The following RBMXL1 variants were observed in gnomAD, a reference collection of about 807,000 sequenced individuals.
RBMXL1 encodes RNA binding motif protein, X-linked-like-1.
Under a neutral mutation model 29.0 loss-of-function variants are expected in RBMXL1, and 18 were observed. The observed-to-expected ratio is 0.62, with a 90% CI of 0.43 to 0.92. RBMXL1 has a LOEUF of 0.92. RBMXL1 is among the 40% of genes least tolerant of loss of function. The pLI, the probability that RBMXL1 is intolerant of heterozygous loss-of-function variation, is 0.00. For synonymous variants in RBMXL1, 141 were observed against 170.4 expected, an observed-to-expected ratio of 0.83 and a Z score of 1.34; for missense variants, 403 against 495.8, an observed-to-expected ratio of 0.81 and a Z score of 1.78.
chr1:88,990,152 T>C (rs1677699832), intron 1 of RBMXL1, among the ~76,000 whole-genome samples: 1 of 152,186 alleles, frequency 6.6e-6, no homozygotes, highest in Non-Finnish European at 1.5e-5. Context: ...ATTACCCTCC[T>C]TTAAAAGGAT....
chr1:88,989,384 T>G (rs75708846), intron 1 of RBMXL1, among the ~76,000 whole-genome samples: 1 of 152,236 alleles, frequency 6.6e-6, no homozygotes, highest in African/African-American at 2.4e-5. Context: ...AAAAAAAGTT[T>G]CTATCTGTAG....
At position 88,984,042 on chromosome 1, in the gene RBMXL1, G is replaced by A. The variant is rs1203794265; in HGVS notation, c.-216C>T. ...AAATTACTTTCTTTTGCCACTAGAT[G>A]GCAGAGGAAAACAACAGAATGTTCC... On this transcript the variant is annotated 5_prime_UTR_variant, in exon 3 of 3. Coordinates refer to ENST00000652648, the MANE Select transcript of RBMXL1 (RefSeq NM_001162536.3). The A allele has an allele frequency of 5.4e-5, 25 of 466,808 alleles. No individual in the cohort carries two copies. Among genetic ancestry groups the A allele is most frequent in the Non-Finnish European group, 8.2e-5 (20 of 244,030 alleles). 28.9% of individuals were successfully genotyped at this position (466,808 alleles called of 1,614,324 possible).
At position 88,982,648 on chromosome 1, in the gene RBMXL1, T is replaced by C. The variant is rs747384060; in HGVS notation, c.*6A>G. ...CTGGGATTTTGGTCCAAAGTTTTGTTTGTTTCTAGTATCTGCTTCTGCCTC... is the reference window on the plus strand; with the variant it reads ...CTGGGATTTTGGTCCAAAGTTTTGTCTGTTTCTAGTATCTGCTTCTGCCTC... On this transcript the variant is annotated 3_prime_UTR_variant, in exon 3 of 3. Coordinates refer to ENST00000652648, the MANE Select transcript of RBMXL1 (RefSeq NM_001162536.3). 1.3e-6 allele frequency: 2 copies of C among 1,580,562 alleles called. No homozygotes were observed. Among genetic ancestry groups the C allele is most frequent in the East Asian group, 4.5e-5 (2 of 44,552 alleles).
chr1:88,986,059 T>C (rs556688236), intron 2 of RBMXL1, among the ~76,000 whole-genome samples: 1 of 151,906 alleles, frequency 6.6e-6, no homozygotes, highest in South Asian at 2.1e-4. Context: ...CGGGCACCTA[T>C]AGTCCCAGCT....
intron 2 of RBMXL1, among the ~76,000 whole-genome samples, chr1:88,986,192 A>AAGAG (rs372559399): frequency 4.0e-5 from 6 of 150,106 alleles, no homozygotes; most frequent in African/African-American, 1.2e-4. Flanking sequence ...AAAAAAAAAA[A>AAGAG]AGAGAGAGAG....
intron 1 of RBMXL1, among the ~76,000 whole-genome samples, chr1:88,992,190 G>C (rs1233485475): frequency 2.0e-5 from 3 of 152,160 alleles, no homozygotes; most frequent in Non-Finnish European, 4.4e-5. Context: ...GTGTTAGCCA[G>C]GATGGTCTCG....
chr1:88,987,769 C>T (rs952096441), intron 2 of RBMXL1, among the ~76,000 whole-genome samples: 3 of 152,156 alleles, frequency 2.0e-5, no homozygotes, highest in Non-Finnish European at 2.9e-5. Context: ...CATTACCACA[C>T]CTCACCAACA....
At chr1:88,987,819 T>C (rs901587793) in intron 2 of RBMXL1, among the ~76,000 whole-genome samples, 1 of 152,246 alleles carries the variant, frequency 6.6e-6, no homozygotes, top group Non-Finnish European at 1.5e-5. Context: ...TCCACATTCG[T>C]ATCTCTCTGA....
In RBMXL1 at chr1:88,982,379, C is replaced by T. The variant is rs1476866179; in HGVS notation, c.*275G>A. ...AGATAGGAAGTGGTCTTTAGGGACA[C>T]CTTTACTTGGAAAGTTACAACACTA... On this transcript the variant is annotated 3_prime_UTR_variant, in exon 3 of 3. Coordinates refer to ENST00000652648, the MANE Select transcript of RBMXL1 (RefSeq NM_001162536.3). 3.8e-6 allele frequency: 3 copies of T among 789,102 alleles called. No homozygotes were observed. The highest frequency in any genetic ancestry group is 5.2e-6 in the Non-Finnish European group (3 of 573,102). 48.9% of individuals were successfully genotyped at this position (789,102 alleles called of 1,614,324 possible).
At position 88,982,877 on chromosome 1, in the gene RBMXL1, C is replaced by T. The variant is rs764148399; in HGVS notation, c.950G>A (p.Arg317His). 3 of 1,613,994 alleles carry T rather than the reference C, an allele frequency of 1.9e-6. No homozygotes were observed. The South Asian group carries it at 3.3e-5, about 18-fold the overall frequency. The change falls in exon 3 of 3, where the codon CGT becomes CAT. Residue 317 changes from arginine (R) to histidine (H), a missense_variant. Transcript: ENST00000652648. ...GTCTCGACTTCCACCATATCCATCA[C>T]GTGAGCTGCTATAATCATCATAGCG... The part of the protein sequence containing the change: ...SSRYDDYSSS[R>H]DGYGGSRDSY...
chr1:88,986,514 ACTCCTGGT>A (rs1557709454), intron 2 of RBMXL1, among the ~76,000 whole-genome samples: 1 of 125,898 alleles, frequency 7.9e-6, no homozygotes, highest in Non-Finnish European at 1.6e-5. Context: ...CTGGTCTTGA[ACTCCTGGT>A]CTCAAGCGAT....
chr1:88,980,569 C>G lies in RBMXL1; in HGVS notation c.*2085G>C, dbSNP rs1020979855. ...CATTTTCTAATATCATTCTGTTTTACAACCAGTATAAACCCAGAAGAATCA... is the reference window on the plus strand; with the variant it reads ...CATTTTCTAATATCATTCTGTTTTAGAACCAGTATAAACCCAGAAGAATCA... On this transcript the variant is annotated 3_prime_UTR_variant, in exon 3 of 3. Coordinates refer to ENST00000652648, the MANE Select transcript of RBMXL1 (RefSeq NM_001162536.3). The G allele has an allele frequency of 6.6e-6, 1 of 152,552 alleles. No individual in the cohort carries two copies. Among genetic ancestry groups the G allele is most frequent in the African/African-American group, 2.4e-5 (1 of 41,414 alleles). The allele number at this position is 152,552 out of a possible 1,614,324, so 9.4% of individuals were successfully genotyped here.
intron 1 of RBMXL1, among the ~76,000 whole-genome samples, chr1:88,990,894 G>A (rs1239526968): frequency 6.6e-6 from 1 of 152,074 alleles, no homozygotes; most frequent in African/African-American, 2.4e-5. Flanking sequence ...ATTAAATTTA[G>A]ATGTCATCGA....
At chr1:88,986,881 A>T (rs978884074) in intron 2 of RBMXL1, among the ~76,000 whole-genome samples, 8 of 152,190 alleles carry the variant, frequency 5.3e-5, no homozygotes, top group Non-Finnish European at 1.2e-4. Context: ...AAGAATATTT[A>T]TCTTTATCCC....
At chr1:88,988,516 C>T (rs1214990858) in intron 1 of RBMXL1, among the ~76,000 whole-genome samples, 165 bp from the exon 2 acceptor site, 1 of 152,158 alleles carries the variant, frequency 6.6e-6, no homozygotes, top group Non-Finnish European at 1.5e-5. Context: ...ATGATATAAT[C>T]TCTCATCACT....
At chr1:88,989,541 T>G (rs1047098898) in intron 1 of RBMXL1, among the ~76,000 whole-genome samples, 2 of 152,168 alleles carry the variant, frequency 1.3e-5, no homozygotes, top group African/African-American at 4.8e-5. Flanking sequence ...ATGGCGCAGC[T>G]GTCCCAAAAG....
intron 2 of RBMXL1, among the ~76,000 whole-genome samples, chr1:88,987,470 T>C (rs1393546165): frequency 6.6e-6 from 1 of 152,160 alleles, no homozygotes; most frequent in Admixed American, 6.5e-5. Flanking sequence ...GTTGAGAGAT[T>C]AGAATTAGGT....
chr1:88,992,074 G>A (rs1169311629), intron 1 of RBMXL1, among the ~76,000 whole-genome samples: 2 of 151,380 alleles, frequency 1.3e-5, no homozygotes, highest in African/African-American at 4.8e-5. Context: ...CGCCTCCCGG[G>A]TTCACGCCAT....
chr1:88,987,107 C>G (rs78869971), intron 2 of RBMXL1, among the ~76,000 whole-genome samples: 1 of 152,192 alleles, frequency 6.6e-6, no homozygotes, highest in Non-Finnish European at 1.5e-5. Flanking sequence ...CTGGGACATA[C>G]ATCAGAATCA....
Sources: gnomAD v4.1 joint callset for allele counts (sites outside exome capture counted in the v4.1 genomes callset) on GRCh38, gnomAD v4.1.1 for gene constraint, MANE v1.5 for transcripts, NCBI Gene and HGNC (gene_info 2026-07-23, HGNC 2026-07-21) for gene names.